The following TIGD1 variants were observed in gnomAD, a reference collection of about 807,000 sequenced individuals.
TIGD1 encodes the protein tigger transposable element-derived protein 1.
In TIGD1, 20 loss-of-function variants were observed where a neutral mutation model predicts 21.3. The observed-to-expected ratio is 0.94, with a 90% CI of 0.66 to 1.36. The LOEUF is 1.36. TIGD1 is among the 40% of genes most tolerant of loss of function. The pLI, the probability that TIGD1 is intolerant of heterozygous loss-of-function variation, is 0.00. For missense variants in TIGD1, 556 were observed against 350.5 expected, an observed-to-expected ratio of 1.59 and a Z score of -4.68; for synonymous variants, 177 against 123.2, an observed-to-expected ratio of 1.44 and a Z score of -2.89.
Position 232,549,844 on chromosome 2 carries a change from T to C in TIGD1, c.39A>G (p.Thr13=). Residue 13 remains threonine (T), a synonymous_variant, in exon 1 of 1, where the codon ACA becomes ACG. Transcript: ENST00000408957. ...CTAGTTTTTGATTTAAAGTGAGAGA[T>C]GTGCGACTCTTCCTTTCACTTGAGC... ...SKCSSERKSR[T]SLTLNQKLEM... The C allele has an allele frequency of 6.5e-7, 1 of 1,532,388 alleles. No homozygotes were observed. The highest frequency in any genetic ancestry group is 1.4e-5 in the African/African-American group (1 of 72,470). 94.9% of individuals were successfully genotyped at this position (1,532,388 alleles called of 1,614,324 possible). A position where few individuals can be genotyped will look rare whatever the true frequency, so the allele number is the denominator to read the frequency against.
Position 232,549,990 on chromosome 2 carries a change from A to AAC in TIGD1, c.-110_-109dup. ...AACGGTCTGTGGGTGGAGCGGTCAG[A>AAC]ACACACACAACATTAAGTTCCACGT... On this transcript the variant is annotated 5_prime_UTR_variant, in exon 1 of 1. It removes the in-frame stop codon of an upstream open reading frame in the 5' UTR. Transcript: ENST00000408957. 1 of 604,204 alleles carries AAC rather than the reference A, an allele frequency of 1.7e-6. No homozygotes were observed. The highest frequency in any genetic ancestry group is 2.4e-5 in the South Asian group (1 of 41,232). The allele number at this position is 604,204 out of a possible 1,614,324, so 37.4% of individuals were successfully genotyped here.
rs1427011163 is a variant in TIGD1, at chr2:232,548,588, G to C, written c.1295C>G (p.Ala432Gly). 1.7e-6 allele frequency: 1 copy of C among 583,054 alleles called. No individual in the cohort carries two copies. Among genetic ancestry groups the C allele is most frequent in the Non-Finnish European group, 3.2e-6 (1 of 314,028 alleles). 36.1% of individuals were successfully genotyped at this position (583,054 alleles called of 1,614,324 possible). A position where few individuals can be genotyped will look rare whatever the true frequency, so the allele number is the denominator to read the frequency against. Residue 432 changes from alanine (A) to glycine (G), a missense_variant, in exon 1 of 1, where the codon GCA (alanine) becomes GGA (glycine). Physicochemically the swap from Ala to Gly is moderately conservative, Grantham distance 60. Transcript: ENST00000408957. ...CTCTACTTCTAATTCTAGTTCTTTT[G>C]CTATTTCCACCACATCTGCACTTAC... ...EEVSADVVEI[A>G]KELELEVEPE...
chr2:232,548,676 A>C lies in TIGD1; in HGVS notation c.1207T>G (p.Trp403Gly). The change falls in exon 1 of 1, where the codon TGG (tryptophan) becomes GGG (glycine). Residue 403 changes from tryptophan (W) to glycine (G), a missense_variant. Transcript: ENST00000408957. The part of the protein sequence containing the change: ...EVKLSTLTGV[W>G]KKLIPTLIDD... ...ATGAGGGTGGGAATCAACTTCTTCC[A>C]AACTCCTGTTAATGTTGACAATTTG... The C allele has an allele frequency of 2.1e-6, 1 of 486,610 alleles. No individual in the cohort carries two copies. Among genetic ancestry groups the C allele is most frequent in the Non-Finnish European group, 3.9e-6 (1 of 254,468 alleles). 30.1% of individuals were successfully genotyped at this position (486,610 alleles called of 1,614,324 possible).
chr2:232,548,991 A>G lies in TIGD1; in HGVS notation c.892T>C (p.Leu298=), dbSNP rs1303727018. The G allele has an allele frequency of 3.3e-5, 23 of 698,444 alleles. No individual in the cohort carries two copies. The South Asian group carries it at 3.3e-4, about 10-fold the overall frequency. 43.3% of individuals were successfully genotyped at this position (698,444 alleles called of 1,614,324 possible). A position where few individuals can be genotyped will look rare whatever the true frequency, so the allele number is the denominator to read the frequency against. ...CSEKKIPFKI[L]LLIDNAPSHP... is the part of the protein sequence containing the mutation. The stretch of plus-strand genomic sequence containing the variant: ...CTAGGGGCATTGTCAATGAGCAGTA[A>G]TATTTTGAAAGGAATCTTCTTTTCT... The change falls in exon 1 of 1, where the codon TTA becomes CTA. Residue 298 remains leucine, a synonymous_variant. Transcript: ENST00000408957.
Position 232,550,533 on chromosome 2 carries a change from T to C in TIGD1, c.-651A>G. ...GGCAGAACTGAGGCCAGCAGCCAGC[T>C]CCGCCGCTGAGTCCAGCCCTCTGCG... On this transcript the variant is annotated 5_prime_UTR_variant, in exon 1 of 1. Transcript: ENST00000408957. 3.0e-6 allele frequency: 2 copies of C among 676,720 alleles called. No individual in the cohort carries two copies. The highest frequency in any genetic ancestry group is 3.0e-5 in the Admixed American group (1 of 32,990). The allele number at this position is 676,720 out of a possible 1,614,324, so 41.9% of individuals were successfully genotyped here.
rs1692087190 is a variant in TIGD1 at position 232,544,591 on chromosome 2, C to A, written c.*3516G>T. ...CGCTGGAGAAGCTAGGTGAGACACA[C>A]CAGGTGTGCCTGGGGACAGTCCTCC... On this transcript the variant is annotated 3_prime_UTR_variant, in exon 1 of 1. Coordinates refer to ENST00000408957, the MANE Select transcript of TIGD1 (RefSeq NM_145702.4). 1.9e-6 allele frequency: 3 copies of A among 1,608,004 alleles called. No homozygotes were observed. Among genetic ancestry groups the A allele is most frequent in the African/African-American group, 1.3e-5 (1 of 74,800 alleles).
chr2:232,544,291 C>T lies in TIGD1; in HGVS notation c.*3816G>A, dbSNP rs1050933790. ...GCTGCCTCCATGGTCCCTAGCAGCA[C>T]AAGCCCTTCACGCCAACCTCTGGCT... On this transcript the variant is annotated 3_prime_UTR_variant, in exon 1 of 1. Coordinates refer to ENST00000408957, the MANE Select transcript of TIGD1 (RefSeq NM_145702.4). 3.6e-6 allele frequency: 4 copies of T among 1,119,388 alleles called. 1 individual carries two copies. The South Asian group carries it at 4.9e-5, about 14-fold the overall frequency. The allele number at this position is 1,119,388 out of a possible 1,614,324, so 69.3% of individuals were successfully genotyped here.
Position 232,544,538 on chromosome 2 carries a change from T to A in TIGD1, c.*3569A>T. The A allele has an allele frequency of 6.2e-7, 1 of 1,613,728 alleles. No individual in the cohort carries two copies. Among genetic ancestry groups the A allele is most frequent in the Non-Finnish European group, 8.5e-7 (1 of 1,179,994 alleles). On this transcript the variant is annotated 3_prime_UTR_variant, in exon 1 of 1. Coordinates refer to ENST00000408957, the MANE Select transcript of TIGD1 (RefSeq NM_145702.4). ...TCGCAGTGAACTCCTCTTCCAGCAG[T>A]GGCAGCGGCAAGGGCTGGTGGCGGC...
At position 232,545,842 on chromosome 2, in the gene TIGD1, C is replaced by T. The variant is rs369614677; in HGVS notation, c.*2265G>A. On this transcript the variant is annotated 3_prime_UTR_variant, in exon 1 of 1. Transcript: ENST00000408957. ...GAAGTGCCCTTCAGGACTGTGTGAG[C>T]CAAACAGCCCTGAGAAAAGCTGGGG... 69 of 1,082,724 alleles carry T rather than the reference C, an allele frequency of 6.4e-5. No individual in the cohort carries two copies. Among genetic ancestry groups the T allele is most frequent in the East Asian group, 3.2e-4 (13 of 40,940 alleles). 67.1% of individuals were successfully genotyped at this position (1,082,724 alleles called of 1,614,324 possible). A position where few individuals can be genotyped will look rare whatever the true frequency, so the allele number is the denominator to read the frequency against.
Position 232,549,791 on chromosome 2 carries a change from A to C in TIGD1, c.92T>G (p.Met31Arg), listed in dbSNP as rs1304552411. 3 of 1,545,370 alleles carry C rather than the reference A, an allele frequency of 1.9e-6. No homozygotes were observed. Among genetic ancestry groups the C allele is most frequent in the Admixed American group, 3.9e-5 (2 of 50,870 alleles). ...LEMIKLSEEG[M>R]SKAEIGRRLG... Reference sequence around the variant, plus strand: ...CCTTCGGCCTATCTCGGCTTTTGACATACCTTCCTCACTCAGTTTAATCAT... The same window carrying C: ...CCTTCGGCCTATCTCGGCTTTTGACCTACCTTCCTCACTCAGTTTAATCAT... Residue 31 changes from methionine (M) to arginine (R), a missense_variant, in exon 1 of 1, where the codon ATG (methionine) becomes AGG (arginine). Met to Arg is a moderately conservative substitution (Grantham distance 91, BLOSUM62 -1). Coordinates refer to ENST00000408957, the MANE Select transcript of TIGD1 (RefSeq NM_145702.4).
Position 232,549,431 on chromosome 2 carries a change from T to G in TIGD1, c.452A>C (p.Gln151Pro), listed in dbSNP as rs1368017364. Residue 151 changes from glutamine (Q) to proline (P), a missense_variant, in exon 1 of 1, where the codon CAA (glutamine) becomes CCA (proline). Physicochemically the swap from Gln to Pro is moderately conservative, Grantham distance 76. Coordinates refer to ENST00000408957, the MANE Select transcript of TIGD1 (RefSeq NM_145702.4). Reference protein sequence around the residue: ...ERSHFHNIKAQGEAASADVEA... With the variant: ...ERSHFHNIKAPGEAASADVEA... ...TACATCAGCACTTGCTGCTTCACCT[T>G]GTGCTTTTATGTTATGGAAATGGCT... The G allele has an allele frequency of 7.7e-6, 5 of 649,740 alleles. No individual in the cohort carries two copies. The East Asian group carries it at 1.1e-4, about 14-fold the overall frequency. 40.2% of individuals were successfully genotyped at this position (649,740 alleles called of 1,614,324 possible). A position where few individuals can be genotyped will look rare whatever the true frequency, so the allele number is the denominator to read the frequency against.
chr2:232,548,964 G>T lies in TIGD1; in HGVS notation c.919C>A (p.His307Asn). The change falls in exon 1 of 1, where the codon CAT (histidine) becomes AAT (asparagine). Residue 307 changes from histidine (H) to asparagine (N), a missense_variant. Transcript: ENST00000408957. ...ILLLIDNAPSHPRALMEIYEE... is the reference protein window; with the variant it reads ...ILLLIDNAPSNPRALMEIYEE... ...TATATCTCCATCAGAGCTCTTGGAT[G>T]ACTAGGGGCATTGTCAATGAGCAGT... 2.9e-6 allele frequency: 2 copies of T among 689,230 alleles called. No homozygotes were observed. The highest frequency in any genetic ancestry group is 1.5e-5 in the South Asian group (1 of 66,226). 42.7% of individuals were successfully genotyped at this position (689,230 alleles called of 1,614,324 possible).
Position 232,544,159 on chromosome 2 carries a change from T to C in TIGD1, c.*3948A>G, listed in dbSNP as rs151175302. Among the ~76,000 whole-genome samples, 377 of 152,310 alleles carry C rather than the reference T, an allele frequency of 2.5e-3. 1 individual carries two copies. The highest frequency in any genetic ancestry group is 8.6e-3 in the African/African-American group (359 of 41,574). ...CATGAGGGCTGGGGGCAGGAATCTGTGTTTATAACAAGTGCCCTGGTGATT... is the reference window on the plus strand; with the variant it reads ...CATGAGGGCTGGGGGCAGGAATCTGCGTTTATAACAAGTGCCCTGGTGATT... On this transcript the variant is annotated 3_prime_UTR_variant, in exon 1 of 1. Coordinates refer to ENST00000408957, the MANE Select transcript of TIGD1 (RefSeq NM_145702.4).
Position 232,544,686 on chromosome 2 carries a change from G to A in TIGD1, c.*3421C>T. The A allele has an allele frequency of 6.4e-7, 1 of 1,571,186 alleles. No individual in the cohort carries two copies. Among genetic ancestry groups the A allele is most frequent in the Non-Finnish European group, 8.8e-7 (1 of 1,142,708 alleles). ...GAGAAGTGCCCAGGTCAGGGAGAGA[G>A]GAGCTGGGGTCCCTAAGGAGAGGCC... is the stretch of plus-strand genomic sequence containing the variant. On this transcript the variant is annotated 3_prime_UTR_variant, in exon 1 of 1. Transcript: ENST00000408957.
rs1388000624 is a variant in TIGD1 at position 232,546,976 on chromosome 2, T to C, written c.*1131A>G. Among the ~76,000 whole-genome samples the C allele has an allele frequency of 6.6e-6, 1 of 152,172 alleles. No individual in the cohort carries two copies. Among genetic ancestry groups the C allele is most frequent in the African/African-American group, 2.4e-5 (1 of 41,426 alleles). The stretch of plus-strand genomic sequence containing the variant: ...CTAATCAGGTAGTAAGGCTGGGGTC[T>C]TCCTGGGGGAGAGGCAAGGTCCTGC... On this transcript the variant is annotated 3_prime_UTR_variant, in exon 1 of 1. Coordinates refer to ENST00000408957, the MANE Select transcript of TIGD1 (RefSeq NM_145702.4).
rs1427948938 is a variant in TIGD1 at position 232,549,264 on chromosome 2, TCTC to T, written c.616_618del (p.Glu206del). 1.5e-5 allele frequency: 10 copies of T among 665,890 alleles called. No homozygotes were observed. In the Admixed American group the frequency reaches 1.9e-4, roughly 13 times the overall value. The allele number at this position is 665,890 out of a possible 1,614,324, so 41.2% of individuals were successfully genotyped here. The stretch of plus-strand genomic sequence containing the variant: ...GAAGCTTTGAAGCCAGGCACTGACT[TCTC>T]CTCTCTAGCTATGAAAGTTCTAGAT... On this transcript the variant is annotated inframe_deletion, in exon 1 of 1. Transcript: ENST00000408957.
Position 232,545,725 on chromosome 2 carries a change from A to G in TIGD1, c.*2382T>C. The G allele has an allele frequency of 6.2e-7, 1 of 1,613,790 alleles. No individual in the cohort carries two copies. ...TGCCCTCACCAGACTGAGCCAACCA[A>G]CCACTGTGGGGCATGTGGGAGTCAC... is the stretch of plus-strand genomic sequence containing the variant. On this transcript the variant is annotated 3_prime_UTR_variant, in exon 1 of 1. Coordinates refer to ENST00000408957, the MANE Select transcript of TIGD1 (RefSeq NM_145702.4).
rs182946513 is a variant in TIGD1 at position 232,546,098 on chromosome 2, C to G, written c.*2009G>C. 1 of 351,022 alleles carries G rather than the reference C, an allele frequency of 2.8e-6. No individual in the cohort carries two copies. Among genetic ancestry groups the G allele is most frequent in the African/African-American group, 2.1e-5 (1 of 47,174 alleles). 21.7% of individuals were successfully genotyped at this position (351,022 alleles called of 1,614,324 possible). A position where few individuals can be genotyped will look rare whatever the true frequency, so the allele number is the denominator to read the frequency against. On this transcript the variant is annotated 3_prime_UTR_variant, in exon 1 of 1. Transcript: ENST00000408957. The stretch of plus-strand genomic sequence containing the variant: ...GGGACTGGCTCCCCTTTTACAAGTT[C>G]TCCCTGAAAGAGGGCAGTCACAAGA...
Position 232,545,785 on chromosome 2 carries a change from T to TCTCCTACTG in TIGD1, c.*2313_*2321dup, listed in dbSNP as rs1216288989. Reference sequence around the variant, plus strand: ...TCACACTGAGTCTTATCAGCCACGTTCTCCTACTGAGGTCCTAAGTGTGCT... The same window carrying TCTCCTACTG: ...TCACACTGAGTCTTATCAGCCACGTTCTCCTACTGCTCCTACTGAGGTCCTAAGTGTGCT... On this transcript the variant is annotated 3_prime_UTR_variant, in exon 1 of 1. Transcript: ENST00000408957. The TCTCCTACTG allele has an allele frequency of 1.3e-6, 2 of 1,543,428 alleles. No homozygotes were observed. The highest frequency in any genetic ancestry group is 1.7e-5 in the Admixed American group (1 of 59,874).
Sources: allele counts gnomAD v4.1 joint callset (sites outside exome capture counted in the v4.1 genomes callset), GRCh38; gene constraint gnomAD v4.1.1; transcripts MANE v1.5; gene names NCBI Gene and HGNC (gene_info 2026-07-23, HGNC 2026-07-21).